The following ADAMTS3 variants were observed in gnomAD, a reference collection of about 807,000 sequenced individuals.
ADAMTS3 encodes ADAM metallopeptidase with thrombospondin type 1 motif 3.
In ADAMTS3, 73 loss-of-function variants were observed where a neutral mutation model predicts 129.0. The ratio of observed to expected loss-of-function variants is 0.57; its 90% CI spans 0.47 to 0.69. ADAMTS3 has a LOEUF of 0.69. Among genes scored for constraint, ADAMTS3 ranks in the 30% least tolerant of loss-of-function variants. The probability of loss-of-function intolerance (pLI) is 0.00; values close to 1 mark genes in which losing one functional copy is unlikely to be tolerated. For missense variants in ADAMTS3, 1,457 were observed against 1,514.5 expected (o/e 0.96, Z 0.63); for synonymous variants, 477 against 510.8 (o/e 0.93, Z 0.89).
chr4:72,464,116 T>G (rs1037321322), intron 3 of ADAMTS3, among the ~76,000 whole-genome samples: 1 of 152,064 alleles, frequency 6.6e-6, no homozygotes, highest in African/African-American at 2.4e-5. Context: ...GCTTAAGGTG[T>G]GTGCAGCTCA....
intron 3 of ADAMTS3, among the ~76,000 whole-genome samples, chr4:72,495,402 G>T (rs1719850013): frequency 6.6e-6 from 1 of 152,092 alleles, no homozygotes; most frequent in South Asian, 2.1e-4. Context: ...CTCTCAGATG[G>T]GGTGGGGTTC....
At chr4:72,392,607 A>G (rs536775014) in intron 4 of ADAMTS3, among the ~76,000 whole-genome samples, 1 of 152,356 alleles carries the variant, frequency 6.6e-6, no homozygotes, top group South Asian at 2.1e-4. Flanking sequence ...CTTCAAGAAC[A>G]GTTCTTTTTA....
chr4:72,297,220 G>C (rs1161539198), intron 18 of ADAMTS3, among the ~76,000 whole-genome samples: 1 of 152,074 alleles, frequency 6.6e-6, no homozygotes, highest in Non-Finnish European at 1.5e-5. Context: ...TCCCAAAGTG[G>C]TGACTGGAGT....
intron 3 of ADAMTS3, among the ~76,000 whole-genome samples, chr4:72,454,918 G>C (rs1373596619): frequency 6.6e-6 from 1 of 151,618 alleles, no homozygotes; most frequent in Non-Finnish European, 1.5e-5. Context: ...AAATATATTT[G>C]ATAATTCAAC....
At chr4:72,295,387 G>A (rs751487008) in intron 19 of ADAMTS3, among the ~76,000 whole-genome samples, 6 of 152,084 alleles carry the variant, frequency 3.9e-5, no homozygotes, top group Admixed American at 3.9e-4. Context: ...TCAAGGAATA[G>A]AAGCAAAAAC....
chr4:72,302,896 T>G lies in ADAMTS3; in HGVS notation c.2424+1021A>C, dbSNP rs974152563. On this transcript the variant is annotated intron_variant, in intron 17 of 21. Transcript: ENST00000286657. The stretch of plus-strand genomic sequence containing the variant: ...AAGAGGGCTCCTGTATATTGGCCCC[T>G]AGGTTCTTTCTTCACAGCAGGCTGA... Among the ~76,000 whole-genome samples, 3 of 152,270 alleles carry G rather than the reference T, an allele frequency of 2.0e-5. No homozygotes were observed. The East Asian group carries it at 5.8e-4, about 29-fold the overall frequency.
chr4:72,301,418 G>A (rs970882190), intron 17 of ADAMTS3, among the ~76,000 whole-genome samples: 2 of 152,076 alleles, frequency 1.3e-5, no homozygotes, highest in African/African-American at 4.8e-5. Flanking sequence ...AAGAGCTCTC[G>A]AAACTCAACA....
intron 3 of ADAMTS3, among the ~76,000 whole-genome samples, chr4:72,544,851 G>C (rs182750658): frequency 1.3e-3 from 195 of 152,036 alleles, no homozygotes; most frequent in Admixed American, 3.3e-3. Context: ...GTTTGTCCAG[G>C]TCTATCCAAA....
chr4:72,355,111 T>C (rs780347172), intron 4 of ADAMTS3, among the ~76,000 whole-genome samples: 13 of 151,956 alleles, frequency 8.6e-5, no homozygotes, highest in Non-Finnish European at 1.6e-4. Context: ...CTAGAGTAGT[T>C]AATCTTGTTA....
At chr4:72,313,553 G>C (rs1438779376) in intron 12 of ADAMTS3, 124 bp downstream of exon 12, 2 of 1,023,658 alleles carry the variant, frequency 2.0e-6, no homozygotes, top group African/African-American at 3.2e-5. Context: ...TTTATGAACT[G>C]TGAACAATTT....
At chr4:72,373,552 T>C (rs1357884354) in intron 4 of ADAMTS3, among the ~76,000 whole-genome samples, 2 of 152,150 alleles carry the variant, frequency 1.3e-5, no homozygotes, top group African/African-American at 4.8e-5. Context: ...CATGAATTCA[T>C]TTATTTAAAG....
intron 4 of ADAMTS3, among the ~76,000 whole-genome samples, chr4:72,395,984 G>A (rs920049645): frequency 9.2e-5 from 14 of 152,190 alleles, no homozygotes; most frequent in East Asian, 1.9e-4. Flanking sequence ...GGCTCTGAAC[G>A]AAAGTGGAAA....
intron 2 of ADAMTS3, among the ~76,000 whole-genome samples, chr4:72,559,672 C>T (rs1172336809): frequency 1.3e-5 from 2 of 151,678 alleles, no homozygotes; most frequent in African/African-American, 4.9e-5. Flanking sequence ...GTCAAAGACA[C>T]ACTAATAACA....
intron 2 of ADAMTS3, among the ~76,000 whole-genome samples, chr4:72,554,143 T>C (rs1721708627): frequency 6.6e-6 from 1 of 152,222 alleles, no homozygotes. Flanking sequence ...AACCACATTT[T>C]TGTATATATG....
chr4:72,547,868 C>T (rs1003418261), intron 3 of ADAMTS3, among the ~76,000 whole-genome samples: 6 of 152,058 alleles, frequency 3.9e-5, no homozygotes, highest in African/African-American at 7.2e-5. Context: ...CCTGAGTCTA[C>T]GTAGCACACT....
intron 4 of ADAMTS3, among the ~76,000 whole-genome samples, chr4:72,407,394 T>C (rs1359714336): frequency 6.6e-6 from 1 of 152,150 alleles, no homozygotes; most frequent in Non-Finnish European, 1.5e-5. Flanking sequence ...TTTCACCTTT[T>C]GGTGAGACAA....
At chr4:72,310,819 T>C (rs1294681687) in intron 14 of ADAMTS3, among the ~76,000 whole-genome samples, 2 of 152,110 alleles carry the variant, frequency 1.3e-5, no homozygotes, top group East Asian at 3.8e-4. Context: ...GAAAAGGCAT[T>C]TGGCTGGAAA....
intron 21 of ADAMTS3, among the ~76,000 whole-genome samples, chr4:72,285,726 C>T (rs1718487426): frequency 6.8e-6 from 1 of 146,756 alleles, no homozygotes; most frequent in African/African-American, 2.5e-5. Context: ...ATACATTAAC[C>T]TTATGGGAAT....
At chr4:72,479,311 C>A (rs1233462440) in intron 3 of ADAMTS3, among the ~76,000 whole-genome samples, 11 of 152,008 alleles carry the variant, frequency 7.2e-5, no homozygotes, top group East Asian at 1.9e-4. Flanking sequence ...AGGCTACAGT[C>A]ACCAAAACAG....
Sources: gnomAD v4.1 joint callset for allele counts (sites outside exome capture counted in the v4.1 genomes callset) on GRCh38, gnomAD v4.1.1 for gene constraint, MANE v1.5 for transcripts, NCBI Gene and HGNC (gene_info 2026-07-23, HGNC 2026-07-21) for gene names.